The following ZNF469 variants were observed in gnomAD, a reference collection of about 807,000 sequenced individuals.
The protein encoded by ZNF469 is zinc finger protein 469.
Under a neutral mutation model 1.0 loss-of-function variants are expected in ZNF469, and 1 was observed. The ratio of observed to expected loss-of-function variants is 1.00; its 90% CI spans 0.35 to 4.73. The LOEUF (loss-of-function observed/expected upper bound fraction) is 4.73. ZNF469 is among the 30% of genes most tolerant of loss of function. The pLI, the probability that ZNF469 is intolerant of heterozygous loss-of-function variation, is 0.16. For missense variants in ZNF469, 6,100 were observed against 5,356.3 expected (o/e 1.14, Z -4.33); for synonymous variants, 2,703 against 2,363.4 (o/e 1.14, Z -4.17).
the ZNF469 span, among the ~76,000 whole-genome samples, chr16:88,104,231 C>G: frequency 3.5e-5 from 5 of 143,152 alleles, no homozygotes; most frequent in African/African-American, 1.3e-4. Flanking sequence ...ACGTCATCTG[C>G]CTCCCAGACG....
At chr16:88,289,283 T>G in the ZNF469 span, among the ~76,000 whole-genome samples, 841 of 151,422 alleles carry the variant, frequency 5.6e-3, 6 homozygotes, top group African/African-American at 0.019. Context: ...GTGAGGGTGA[T>G]GGTGATGATG....
At chr16:88,229,303 G>A in the ZNF469 span, among the ~76,000 whole-genome samples, 11 of 152,352 alleles carry the variant, frequency 7.2e-5, no homozygotes, top group Admixed American at 1.3e-4. Context: ...CGAGCAGCCC[G>A]TCAGGCGGCA....
the ZNF469 span, among the ~76,000 whole-genome samples, chr16:88,148,720 C>T: frequency 3.3e-5 from 5 of 152,200 alleles, no homozygotes; most frequent in Admixed American, 3.3e-4. Flanking sequence ...TGCCACCACC[C>T]TGCCTTGGTG....
chr16:88,281,144 A>G, the ZNF469 span, among the ~76,000 whole-genome samples: 40 of 134,928 alleles, frequency 3.0e-4, no homozygotes, highest in Non-Finnish European at 8.0e-5. Flanking sequence ...GCTGTGCCAC[A>G]CTGATGCTTG....
chr16:88,253,460 C>T, the ZNF469 span, among the ~76,000 whole-genome samples: 359 of 151,108 alleles, frequency 2.4e-3, 2 homozygotes, highest in African/African-American at 8.3e-3. Context: ...ATGTGGACCC[C>T]CTTTTACTGA....
At position 88,432,070 on chromosome 16, in the gene ZNF469, G is replaced by A. The variant is rs1364831534; in HGVS notation, c.4600G>A (p.Val1534Met). 6.4e-7 allele frequency: 1 copy of A among 1,550,546 alleles called. No individual in the cohort carries two copies. Among genetic ancestry groups the A allele is most frequent in the South Asian group, 1.2e-5 (1 of 84,064 alleles). Residue 1534 changes from valine to methionine, a missense_variant, in exon 3 of 3, where the codon GTG becomes ATG. By Grantham distance (21) the Val-to-Met change is conservative (BLOSUM62 1). Transcript: ENST00000565624. ...TAAGACGTGTCCCCCTGAACGGACA[G>A]TGGTTCCCGGCGCCGCCCCATCTTT... is the stretch of plus-strand genomic sequence containing the variant. ...LSKTCPPERT[V>M]VPGAAPSLPG...
the ZNF469 span, among the ~76,000 whole-genome samples, chr16:88,372,614 C>A: frequency 6.6e-6 from 1 of 151,376 alleles, no homozygotes; most frequent in African/African-American, 2.4e-5. Flanking sequence ...TCATCATGAT[C>A]TTTGTCATCT....
the ZNF469 span, among the ~76,000 whole-genome samples, chr16:88,227,496 C>T: frequency 6.7e-6 from 1 of 149,868 alleles, no homozygotes; most frequent in Non-Finnish European, 1.5e-5. Context: ...CCCTGTGTCC[C>T]CGTCTCCCCA....
the ZNF469 span, among the ~76,000 whole-genome samples, chr16:88,211,636 C>G: frequency 6.6e-6 from 1 of 152,162 alleles, no homozygotes; most frequent in Non-Finnish European, 1.5e-5. Context: ...CAGATATGTG[C>G]ATACTTCAGG....
At chr16:88,144,533 C>A in the ZNF469 span, among the ~76,000 whole-genome samples, 1 of 152,206 alleles carries the variant, frequency 6.6e-6, no homozygotes, top group Non-Finnish European at 1.5e-5. Flanking sequence ...CTTTGAGGCA[C>A]ATTTTTCTAT....
the ZNF469 span, among the ~76,000 whole-genome samples, chr16:88,190,423 C>G: frequency 6.6e-6 from 1 of 152,282 alleles, no homozygotes. Context: ...ACTCATGCAA[C>G]AGGACAGGTG....
the ZNF469 span, among the ~76,000 whole-genome samples, chr16:88,137,880 AG>A: frequency 6.6e-6 from 1 of 152,192 alleles, no homozygotes; most frequent in Non-Finnish European, 1.5e-5. Flanking sequence ...GACCATGGCT[AG>A]CCCAGGGAGA....
chr16:88,437,707 A>G lies in ZNF469; in HGVS notation c.10237A>G (p.Ile3413Val). 7 of 1,549,804 alleles carry G rather than the reference A, an allele frequency of 4.5e-6. No homozygotes were observed. Among genetic ancestry groups the G allele is most frequent in the Non-Finnish European group, 5.2e-6 (6 of 1,146,614 alleles). The change falls in exon 3 of 3, where the codon ATC becomes GTC. Residue 3413 changes from isoleucine to valine, a missense_variant. Coordinates refer to ENST00000565624, the MANE Select transcript of ZNF469 (RefSeq NM_001367624.2). ...CGAGCTCTGCGCCACGGTTATGCGC[A>G]TCATCAAGAAGTCCTTCGCCTGCAG... The part of the protein sequence containing the change: ...ACELCATVMR[I>V]IKKSFACSSC...
At chr16:88,280,638 C>T in the ZNF469 span, among the ~76,000 whole-genome samples, 1 of 149,438 alleles carries the variant, frequency 6.7e-6, no homozygotes, top group Non-Finnish European at 1.5e-5. Flanking sequence ...ATGTAGATAT[C>T]AGTGCATGGG....
the ZNF469 span, among the ~76,000 whole-genome samples, chr16:88,165,200 T>C: frequency 6.6e-6 from 1 of 152,222 alleles, no homozygotes; most frequent in African/African-American, 2.4e-5. Context: ...TCTGGCATCA[T>C]GTGCATTTCA....
At chr16:88,163,809 A>G in the ZNF469 span, among the ~76,000 whole-genome samples, 1 of 150,802 alleles carries the variant, frequency 6.6e-6, no homozygotes, top group East Asian at 2.0e-4. Context: ...TGATGAGTGG[A>G]TGGGTGGCTG....
At chr16:88,377,915 G>C in the ZNF469 span, among the ~76,000 whole-genome samples, 6 of 151,866 alleles carry the variant, frequency 4.0e-5, no homozygotes, top group East Asian at 1.9e-4. Flanking sequence ...TTTTTGAGCC[G>C]AGCCCTGGCC....
the ZNF469 span, among the ~76,000 whole-genome samples, chr16:88,342,973 C>T: frequency 6.6e-6 from 1 of 152,236 alleles, no homozygotes; most frequent in Non-Finnish European, 1.5e-5. Context: ...TTCATGGCCA[C>T]TGGATGAGCT....
At chr16:88,172,834 T>C in the ZNF469 span, among the ~76,000 whole-genome samples, 1 of 152,212 alleles carries the variant, frequency 6.6e-6, no homozygotes, top group Non-Finnish European at 1.5e-5. Context: ...ATACACTGGA[T>C]GGGATTCACA....
Sources: allele counts gnomAD v4.1 joint callset (sites outside exome capture counted in the v4.1 genomes callset), GRCh38; gene constraint gnomAD v4.1.1; transcripts MANE v1.5; gene names NCBI Gene and HGNC (gene_info 2026-07-23, HGNC 2026-07-21).